The following MYO16 variants were observed in gnomAD, a reference collection of about 807,000 sequenced individuals.
MYO16 encodes the protein myosin XVI.
Under a neutral mutation model 205.3 loss-of-function variants are expected in MYO16, and 94 were observed. The observed-to-expected ratio is 0.46, with a 90% confidence interval of 0.39 to 0.54. The LOEUF is 0.54. MYO16 is among the 20% of genes least tolerant of loss of function. The pLI is 0.00. For missense variants in MYO16, 2,315 were observed against 2,387.5 expected (o/e 0.97, Z 0.63); for synonymous variants, 988 against 954.0 (o/e 1.04, Z -0.66).
At chr13:109,035,927 G>T (rs1886700536) in intron 23 of MYO16, among the ~76,000 whole-genome samples, 1 of 152,152 alleles carries the variant, frequency 6.6e-6, no homozygotes. Context: ...AGAGGTCTGG[G>T]GTGAAGTTGA....
At chr13:108,943,845 A>G (rs1488783194) in intron 16 of MYO16, among the ~76,000 whole-genome samples, 2 of 152,228 alleles carry the variant, frequency 1.3e-5, no homozygotes, top group African/African-American at 2.4e-5. Flanking sequence ...TCGGCCTCCC[A>G]GAGTGCTGGG....
intron 32 of MYO16, among the ~76,000 whole-genome samples, chr13:109,161,508 T>A (rs969090801): frequency 6.6e-6 from 1 of 152,270 alleles, no homozygotes; most frequent in East Asian, 1.9e-4. Context: ...AGAATTGTCA[T>A]GAGAACAGAG....
chr13:108,713,624 G>A (rs1327828690), intron 3 of MYO16, among the ~76,000 whole-genome samples: 1 of 152,122 alleles, frequency 6.6e-6, no homozygotes, highest in Non-Finnish European at 1.5e-5. Context: ...GACTTCCCAG[G>A]TTATTCTAAT....
chr13:108,997,779 A>T (rs538493896), intron 21 of MYO16, among the ~76,000 whole-genome samples: 11 of 152,316 alleles, frequency 7.2e-5, no homozygotes, highest in Non-Finnish European at 1.5e-4. Context: ...CGGAGGTTGC[A>T]GTGAGCGGAG....
chr13:108,719,248 G>A (rs891478332), intron 3 of MYO16, among the ~76,000 whole-genome samples: 1 of 152,088 alleles, frequency 6.6e-6, no homozygotes, highest in Non-Finnish European at 1.5e-5. Flanking sequence ...AAAGCCACTG[G>A]TAACAAAATC....
chr13:108,699,516 G>A (rs980586202), intron 2 of MYO16, among the ~76,000 whole-genome samples: 6 of 152,124 alleles, frequency 3.9e-5, no homozygotes, highest in Non-Finnish European at 8.8e-5. Flanking sequence ...AAGAAGGGAA[G>A]CATGTATTTA....
chr13:108,824,880 T>A (rs1485098385), intron 9 of MYO16, among the ~76,000 whole-genome samples: 1 of 152,066 alleles, frequency 6.6e-6, no homozygotes, highest in Non-Finnish European at 1.5e-5. Flanking sequence ...AACATTGGAA[T>A]AGACCTACAG....
the MYO16 span, among the ~76,000 whole-genome samples, chr13:108,538,368 A>C: frequency 1.2e-4 from 18 of 152,228 alleles, no homozygotes; most frequent in Admixed American, 1.2e-3. Flanking sequence ...ACCAATGTTA[A>C]ACAAGGTAAG....
At chr13:109,166,230 C>T (rs114522978) in intron 33 of MYO16, among the ~76,000 whole-genome samples, 43 of 151,964 alleles carry the variant, frequency 2.8e-4, no homozygotes, top group East Asian at 1.9e-3. Flanking sequence ...AATAAAACAA[C>T]GAGAATTTCA....
At chr13:108,969,164 A>G (rs1473086850) in intron 20 of MYO16, among the ~76,000 whole-genome samples, 4 of 152,230 alleles carry the variant, frequency 2.6e-5, no homozygotes, top group Non-Finnish European at 5.9e-5. Flanking sequence ...GCCACTAGGC[A>G]TATGGAAGAC....
rs568612455 is a variant in MYO16, at chr13:108,961,480, T to C, written c.2038-59T>C. ...CTTACTTTTAGATATTTAAAAATTT[T>C]GCCTTTTAATCTTTCTTCTAAGCAC... On this transcript the variant is annotated intron_variant, in intron 17 of 34. Coordinates refer to ENST00000457511, the MANE Select transcript of MYO16 (RefSeq NM_001198950.3). 1.7e-4 allele frequency: 236 copies of C among 1,349,152 alleles called. No individual in the cohort carries two copies. The African/African-American group carries it at 3.1e-3, about 18-fold the overall frequency. The allele number at this position is 1,349,152 out of a possible 1,614,324, so 83.6% of individuals were successfully genotyped here. A position where few individuals can be genotyped will look rare whatever the true frequency, so the allele number is the denominator to read the frequency against.
upstream of MYO16, among the ~76,000 whole-genome samples, chr13:108,594,325 C>T (rs1490632175): frequency 1.3e-5 from 2 of 152,204 alleles, no homozygotes; most frequent in Admixed American, 6.5e-5. Context: ...CGATGCCTCA[C>T]TGCCTGCATT....
intron 2 of MYO16, among the ~76,000 whole-genome samples, chr13:108,685,491 C>A (rs1407997522): frequency 6.6e-6 from 1 of 152,136 alleles, no homozygotes; most frequent in Non-Finnish European, 1.5e-5. Flanking sequence ...TTGGTGTGGA[C>A]ACAACACCTA....
intron 33 of MYO16, among the ~76,000 whole-genome samples, chr13:109,170,389 C>G (rs957467802): frequency 2.6e-5 from 4 of 152,046 alleles, no homozygotes; most frequent in African/African-American, 9.7e-5. Flanking sequence ...AAGAGGTGCT[C>G]GGAGAACGGA....
At chr13:108,516,011 G>A in the MYO16 span, among the ~76,000 whole-genome samples, 4 of 137,466 alleles carry the variant, frequency 2.9e-5, no homozygotes, top group African/African-American at 5.5e-5. Context: ...CACCCAGTTC[G>A]AGCTTCCCAG....
chr13:108,576,374 C>T, the MYO16 span, among the ~76,000 whole-genome samples: 8 of 152,092 alleles, frequency 5.3e-5, no homozygotes, highest in African/African-American at 1.9e-4. Context: ...GTACTGAAGC[C>T]TGAGAGTTAG....
intron 4 of MYO16, among the ~76,000 whole-genome samples, chr13:108,739,985 A>G (rs1046532155): frequency 6.6e-6 from 1 of 152,184 alleles, no homozygotes; most frequent in Non-Finnish European, 1.5e-5. Context: ...TTTCAGCTCC[A>G]TCAGGTCATT....
At chr13:109,165,446 A>G (rs1353155134) in intron 33 of MYO16, among the ~76,000 whole-genome samples, 7 of 152,234 alleles carry the variant, frequency 4.6e-5, no homozygotes, top group African/African-American at 1.7e-4. Context: ...GGCTTCAGGT[A>G]TTTTAAGTAC....
chr13:109,129,333 GACA>G (rs374854767), intron 31 of MYO16, among the ~76,000 whole-genome samples: 69 of 152,166 alleles, frequency 4.5e-4, no homozygotes, highest in African/African-American at 1.7e-3. Context: ...TGGTGATAAG[GACA>G]ACAAGAAAAT....
Sources: gnomAD v4.1 joint callset for allele counts (sites outside exome capture counted in the v4.1 genomes callset) on GRCh38, gnomAD v4.1.1 for gene constraint, MANE v1.5 for transcripts, NCBI Gene and HGNC (gene_info 2026-07-23, HGNC 2026-07-21) for gene names.